The following FHIP2B variants were observed in gnomAD, a reference collection of about 807,000 sequenced individuals.
FHIP2B encodes FHF complex subunit HOOK interacting protein 2B, also known as FHF complex subunit HOOK-interacting protein 2B.
Under a neutral mutation model 84.0 loss-of-function variants are expected in FHIP2B, and 72 were observed. That is an observed-to-expected ratio of 0.86 (90% CI 0.71 to 1.04). The LOEUF (loss-of-function observed/expected upper bound fraction) is 1.04. Ranked by LOEUF, FHIP2B falls within the 50% of genes least tolerant of loss-of-function variation. The pLI is 0.00. For missense variants in FHIP2B, 972 were observed against 968.9 expected, an observed-to-expected ratio of 1.00 and a Z score of -0.04; for synonymous variants, 497 against 418.7, an observed-to-expected ratio of 1.19 and a Z score of -2.28.
At chr8:22,089,726 A>G in intron 1 of FHIP2B, 1 of 1,233,636 alleles carries the variant, frequency 8.1e-7, no homozygotes, top group Non-Finnish European at 1.1e-6. Context: ...GGCTTGAAAA[A>G]ATCGCCGTCC....
intron 9 of FHIP2B, 22 bp downstream of exon 9, chr8:22,099,382 G>T (rs1825975483): frequency 6.2e-7 from 1 of 1,611,070 alleles, no homozygotes; most frequent in South Asian, 1.1e-5. Flanking sequence ...GTTCCCTCAG[G>T]CATGACTGTG....
chr8:22,097,145 G>T (rs1039874567), intron 3 of FHIP2B: 2 of 311,286 alleles, frequency 6.4e-6, no homozygotes, highest in Non-Finnish European at 1.2e-5. Flanking sequence ...AGTGATGCAG[G>T]AAAAGGGGTT....
chr8:22,100,230 A>G, intron 10 of FHIP2B: 1 of 380,282 alleles, frequency 2.6e-6, no homozygotes, highest in Non-Finnish European at 4.6e-6. Context: ...CACTGTTCCC[A>G]GCTTATTTTT....
At chr8:22,097,249 G>T (rs1825820823) in intron 3 of FHIP2B, among the ~76,000 whole-genome samples, 1 of 152,142 alleles carries the variant, frequency 6.6e-6, no homozygotes, top group Non-Finnish European at 1.5e-5. Flanking sequence ...GAGGAGTTGA[G>T]CCTGGGGCTC....
At chr8:22,102,411 G>GGGGGGGGGGGGGC in intron 15 of FHIP2B, 96 bp downstream of exon 15, 8 of 586,826 alleles carry the variant, frequency 1.4e-5, no homozygotes, top group Non-Finnish European at 2.5e-5. Context: ...GGAGGGGTGG[G>GGGGGGGGGGGGGC]CACCCTTGCC....
intron 5 of FHIP2B, 36 bp downstream of exon 5, chr8:22,097,875 C>T (rs1825867025): frequency 1.2e-6 from 2 of 1,603,522 alleles, no homozygotes; most frequent in Admixed American, 1.7e-5. Context: ...GGGGGAGGGC[C>T]CAGAACCCCA....
At chr8:22,092,040 C>T (rs779737202) in intron 1 of FHIP2B, among the ~76,000 whole-genome samples, 2 of 152,176 alleles carry the variant, frequency 1.3e-5, no homozygotes, top group East Asian at 3.8e-4. Context: ...TAGTGAGATG[C>T]GGTCACTGCA....
intron 1 of FHIP2B, among the ~76,000 whole-genome samples, chr8:22,094,069 C>T (rs1393529243): frequency 6.6e-6 from 1 of 152,094 alleles, no homozygotes; most frequent in Non-Finnish European, 1.5e-5. Flanking sequence ...GGACTGCGCT[C>T]CCGTGTTCCT....
rs767360075 is a variant in FHIP2B at position 22,101,457 on chromosome 8, C to A, written c.1634C>A (p.Pro545His). The change falls in exon 13 of 17, where the codon CCC becomes CAC. Residue 545 changes from proline to histidine, a missense_variant. Physicochemically the swap from Pro to His is moderately conservative, Grantham distance 77. Transcript: ENST00000289921. The part of the protein sequence containing the change: ...EIVNSFLCLV[P>H]EEAKTSAFLE... Reference sequence around the variant, plus strand: ...TCTCTCAGTTTCCTGTGCCTGGTCCCCGAGGAAGCCAAGACCTCTGCCTTC... The same window carrying A: ...TCTCTCAGTTTCCTGTGCCTGGTCCACGAGGAAGCCAAGACCTCTGCCTTC... The A allele has an allele frequency of 3.1e-6, 5 of 1,610,988 alleles. No homozygotes were observed. Among genetic ancestry groups the A allele is most frequent in the Non-Finnish European group, 4.2e-6 (5 of 1,178,342 alleles).
In FHIP2B at chr8:22,103,227, G is replaced by A; in HGVS notation, c.*296G>A. On this transcript the variant is annotated 3_prime_UTR_variant, in exon 17 of 17. Coordinates refer to ENST00000289921, the MANE Select transcript of FHIP2B (RefSeq NM_022749.7). ...CAGACCCTCATGTGCTGTGTGCCTG[G>A]CCCCTTCTGTACTGGCCATTTGTGG... The A allele has an allele frequency of 2.3e-6, 1 of 425,816 alleles. No homozygotes were observed. 26.4% of individuals were successfully genotyped at this position (425,816 alleles called of 1,614,324 possible).
Position 22,089,179 on chromosome 8 carries a change from G to A in FHIP2B, c.-75G>A. 1 of 953,598 alleles carries A rather than the reference G, an allele frequency of 1.0e-6. No homozygotes were observed. The highest frequency in any genetic ancestry group is 1.3e-6 in the Non-Finnish European group (1 of 785,894). 59.1% of individuals were successfully genotyped at this position (953,598 alleles called of 1,614,324 possible). A position where few individuals can be genotyped will look rare whatever the true frequency, so the allele number is the denominator to read the frequency against. On this transcript the variant is annotated 5_prime_UTR_variant, in exon 1 of 17. Coordinates refer to ENST00000289921, the MANE Select transcript of FHIP2B (RefSeq NM_022749.7). ...CCCTCGTCGCGCCGGGGCCGCCGGG[G>A]CCACGGGGCTGCCTCCTCCGCCTAG...
Position 22,099,758 on chromosome 8 carries a change from G to A in FHIP2B, c.1206G>A (p.Gln402=), listed in dbSNP as rs767255795. The A allele has an allele frequency of 1.9e-6, 3 of 1,608,548 alleles. No individual in the cohort carries two copies. Among genetic ancestry groups the A allele is most frequent in the Non-Finnish European group, 2.5e-6 (3 of 1,178,886 alleles). The part of the protein sequence containing the change: ...STALLTAMLR[Q]LRSPALLREA... The stretch of plus-strand genomic sequence containing the variant: ...CCCTCCTCACAGCCATGCTGCGCCA[G>A]CTTCGCTCCCCTGCGCTGCTGCGGG... Residue 402 remains glutamine (Q), a synonymous_variant, in exon 10 of 17, where the codon CAG becomes CAA. Transcript: ENST00000289921.
At position 22,099,711 on chromosome 8, in the gene FHIP2B, C is replaced by A. The variant is rs1414860548; in HGVS notation, c.1159C>A (p.Gln387Lys). The change falls in exon 10 of 17, where the codon CAG becomes AAG. Residue 387 changes from glutamine to lysine, a missense_variant. Transcript: ENST00000289921. The part of the protein sequence containing the change: ...LQPQLLHVSE[Q>K]SILTSTALLT... ...GGTGCCCTCTTCCCGTAGGTCCGAG[C>A]AGAGCATCTTGACCTCCACCGCCCT... is the stretch of plus-strand genomic sequence containing the variant. The A allele has an allele frequency of 2.5e-6, 4 of 1,586,360 alleles. No individual in the cohort carries two copies. Among genetic ancestry groups the A allele is most frequent in the Non-Finnish European group, 3.4e-6 (4 of 1,170,282 alleles).
intron 2 of FHIP2B, chr8:22,095,462 T>G (rs1005011922): frequency 1.3e-5 from 2 of 148,442 alleles, no homozygotes; most frequent in Non-Finnish European, 3.0e-5. Flanking sequence ...TGCCTCATGT[T>G]CCCTGGGGGG....
In FHIP2B at chr8:22,091,697, TGCCGTACTGGAGTATTCTTTTTGGTTAAA is replaced by T. The variant is rs1563587206; in HGVS notation, c.45+2403_45+2431del. Among the ~76,000 whole-genome samples, 4 of 152,246 alleles carry T rather than the reference TGCCGTACTGGAGTATTCTTTTTGGTTAAA, an allele frequency of 2.6e-5. No individual in the cohort carries two copies. In the South Asian group the frequency reaches 8.3e-4, roughly 32 times the overall value. On this transcript the variant is annotated intron_variant, in intron 1 of 16. Coordinates refer to ENST00000289921, the MANE Select transcript of FHIP2B (RefSeq NM_022749.7). ...GTTAACCTGCCTCTCCCGTGTCTCCTGCCGTACTGGAGTATTCTTTTTGGTTAAAGCCCAGCTCAAGGTTTTCAAAGACT... is the reference window on the plus strand; with the variant it reads ...GTTAACCTGCCTCTCCCGTGTCTCCTGCCCAGCTCAAGGTTTTCAAAGACT...
chr8:22,098,991 G>C lies in FHIP2B; in HGVS notation c.1009G>C (p.Glu337Gln). ...TGATGAGGCTTCCTTCCCTGGCAAG[G>C]AGGCCTTGGCTGCCTTCTTGGGCTG... is the stretch of plus-strand genomic sequence containing the variant. ...PSDEASFPGK[E>Q]ALAAFLGWFD... The change falls in exon 8 of 17, where the codon GAG becomes CAG. Residue 337 changes from glutamate (E) to glutamine (Q), a missense_variant. Coordinates refer to ENST00000289921, the MANE Select transcript of FHIP2B (RefSeq NM_022749.7). 6.2e-7 allele frequency: 1 copy of C among 1,608,670 alleles called. No individual in the cohort carries two copies.
Position 22,099,900 on chromosome 8 carries a change from T to C in FHIP2B, c.1341+7T>C. 6.3e-7 allele frequency: 1 copy of C among 1,599,268 alleles called. No homozygotes were observed. On this transcript the variant is annotated splice_region_variant and intron_variant, in intron 10 of 16. Transcript: ENST00000289921. ...TGACCACCTCTCTGATGAGGTACAG[T>C]GGGGGACCTCCATCTCTGTTCCTCT...
chr8:22,097,556 G>A lies in FHIP2B; in HGVS notation c.338G>A (p.Ser113Asn), dbSNP rs1167947587. 1.9e-6 allele frequency: 3 copies of A among 1,610,278 alleles called. No individual in the cohort carries two copies. Among genetic ancestry groups the A allele is most frequent in the Non-Finnish European group, 1.7e-6 (2 of 1,178,698 alleles). The change falls in exon 4 of 17, where the codon AGC becomes AAC. Residue 113 changes from serine (S) to asparagine (N), a missense_variant. Ser to Asn is a conservative substitution (Grantham distance 46). Transcript: ENST00000289921. ...GMRQQVFQFF[S>N]KVLAQVQHPL... The stretch of plus-strand genomic sequence containing the variant: ...CGGCAGCAGGTGTTCCAGTTCTTCA[G>A]CAAGGTTCTGGCGCAGGTGCAGCAC...
At chr8:22,093,524 G>T (rs996870932) in intron 1 of FHIP2B, among the ~76,000 whole-genome samples, 2 of 152,084 alleles carry the variant, frequency 1.3e-5, no homozygotes, top group Admixed American at 1.3e-4. Context: ...AGCACTGGCT[G>T]AGGAGTTGGG....
Sources: allele counts gnomAD v4.1 joint callset (sites outside exome capture counted in the v4.1 genomes callset), GRCh38; gene constraint gnomAD v4.1.1; transcripts MANE v1.5; gene names NCBI Gene and HGNC (gene_info 2026-07-23, HGNC 2026-07-21).